Variants in TNS1 observed in about 807,000 individuals in gnomAD.
The protein encoded by TNS1 is tensin 1.
In TNS1, 62 loss-of-function variants were observed where a neutral mutation model predicts 168.6. The observed-to-expected ratio is 0.37, with a 90% CI of 0.30 to 0.45. The LOEUF (loss-of-function observed/expected upper bound fraction) is 0.45, where lower values mean the gene tolerates loss of function less well. Among genes scored for constraint, TNS1 ranks in the 20% least tolerant of loss-of-function variants. TNS1 has a pLI of 1.00. For synonymous variants in TNS1, 934 were observed against 933.2 expected, an observed-to-expected ratio of 1.00 and a Z score of -0.02; for missense variants, 2,240 against 2,339.4, an observed-to-expected ratio of 0.96 and a Z score of 0.88.
At chr2:217,937,175 T>C in intron 3 of TNS1, 1 of 381,598 alleles carries the variant, frequency 2.6e-6, no homozygotes, top group Non-Finnish European at 5.3e-6. Flanking sequence ...CAACACTCTG[T>C]CTACTCCCCT....
At chr2:217,954,385 G>T (rs748858895) in intron 3 of TNS1, among the ~76,000 whole-genome samples, 1 of 152,222 alleles carries the variant, frequency 6.6e-6, no homozygotes, top group Non-Finnish European at 1.5e-5. Flanking sequence ...CCCTAATCCT[G>T]ATGATGATGG....
chr2:218,026,861 G>A (rs2106013768), intron 1 of TNS1, among the ~76,000 whole-genome samples: 1 of 152,338 alleles, frequency 6.6e-6, no homozygotes, highest in African/African-American at 2.4e-5. Flanking sequence ...ATCCCCCATG[G>A]GAATGACGTC....
chr2:217,850,592 C>CAG (rs1161679476), intron 18 of TNS1: 1 of 731,246 alleles, frequency 1.4e-6, no homozygotes, highest in Non-Finnish European at 1.6e-6. Flanking sequence ...GACACACACA[C>CAG]ACACACACAC....
chr2:217,831,654 G>A (rs980599335), intron 21 of TNS1, 107 bp from the exon 22 acceptor site: 12 of 885,826 alleles, frequency 1.4e-5, no homozygotes, highest in East Asian at 6.6e-5. Context: ...GGCTGGAGAC[G>A]GTGCCGAGGA....
chr2:217,898,406 G>A (rs1049779971), intron 7 of TNS1, among the ~76,000 whole-genome samples: 4 of 152,204 alleles, frequency 2.6e-5, no homozygotes, highest in African/African-American at 4.8e-5. Flanking sequence ...GAGAGCCTGC[G>A]CTGGGCGCTC....
At chr2:217,822,167 C>T (rs1441349048) in intron 22 of TNS1, among the ~76,000 whole-genome samples, 2 of 152,158 alleles carry the variant, frequency 1.3e-5, no homozygotes, top group Non-Finnish European at 2.9e-5. Flanking sequence ...ATCCCAGGCC[C>T]CGCCTCAGAA....
chr2:217,834,991 G>C, intron 21 of TNS1, 100 bp downstream of exon 21: 1 of 1,062,986 alleles, frequency 9.4e-7, no homozygotes, highest in Non-Finnish European at 1.3e-6. Context: ...CTGGGGCACT[G>C]TCACCCCCAA....
chr2:217,953,809 C>T (rs951002402), intron 3 of TNS1, among the ~76,000 whole-genome samples: 13 of 152,332 alleles, frequency 8.5e-5, no homozygotes, highest in Admixed American at 2.6e-4. Context: ...CTAGGAATTC[C>T]ACTCCCGTCT....
intron 1 of TNS1, among the ~76,000 whole-genome samples, chr2:217,992,155 C>T (rs1410413237): frequency 6.6e-6 from 1 of 151,864 alleles, no homozygotes; most frequent in Admixed American, 6.6e-5. Context: ...GGACTCCCCA[C>T]AGAAAGCATC....
At chr2:217,836,291 G>A (rs758254512) in intron 19 of TNS1, 80 bp from the exon 20 acceptor site, 2 of 1,391,112 alleles carry the variant, frequency 1.4e-6, no homozygotes, top group Non-Finnish European at 1.9e-6. Context: ...CATCAGAGAA[G>A]GCAGTGCCTC....
At chr2:217,884,881 C>G (rs1283511880) in intron 16 of TNS1, among the ~76,000 whole-genome samples, 154 bp downstream of exon 16, 1 of 152,208 alleles carries the variant, frequency 6.6e-6, no homozygotes, top group Non-Finnish European at 1.5e-5. Context: ...AACTCTCTCC[C>G]AAGTCTCTCT....
At chr2:217,894,925 A>T in intron 9 of TNS1, 81 bp downstream of exon 9, 1 of 1,373,508 alleles carries the variant, frequency 7.3e-7, no homozygotes, top group Non-Finnish European at 1.0e-6. Flanking sequence ...ATTTTCCCCA[A>T]GATTATTATG....
chr2:217,891,286 C>T (rs975209385), intron 11 of TNS1, among the ~76,000 whole-genome samples: 1 of 152,182 alleles, frequency 6.6e-6, no homozygotes, highest in African/African-American at 2.4e-5. Context: ...GTTCAGCAGC[C>T]TGGGAGCCCA....
intron 16 of TNS1, among the ~76,000 whole-genome samples, chr2:217,884,249 G>A (rs1328581651): frequency 6.6e-6 from 1 of 151,724 alleles, no homozygotes; most frequent in Non-Finnish European, 1.5e-5. Flanking sequence ...ATTAATGGAT[G>A]GATGAATGGG....
rs1942952809 is a variant in TNS1, at chr2:217,822,059, C to T, written c.3374-121G>A. 2.7e-6 allele frequency: 3 copies of T among 1,097,480 alleles called. 1 individual carries two copies. In the South Asian group the frequency reaches 4.9e-5, roughly 18 times the overall value. 68.0% of individuals were successfully genotyped at this position (1,097,480 alleles called of 1,614,324 possible). ...TCCTGCCTGGGAACATAGGAATAGCCCCCAAAGGACAGGCAGGGCTCCTGC... is the reference window on the plus strand; with the variant it reads ...TCCTGCCTGGGAACATAGGAATAGCTCCCAAAGGACAGGCAGGGCTCCTGC... On this transcript the variant is annotated intron_variant, in intron 22 of 32. Coordinates refer to ENST00000682258, the MANE Select transcript of TNS1 (RefSeq NM_001387777.1).
chr2:217,924,868 G>A (rs1408263795), intron 3 of TNS1, among the ~76,000 whole-genome samples: 1 of 152,182 alleles, frequency 6.6e-6, no homozygotes, highest in Non-Finnish European at 1.5e-5. Context: ...TGGCGCAGTG[G>A]TTATGCAGTG....
chr2:217,834,248 A>T (rs1283592807), intron 21 of TNS1, among the ~76,000 whole-genome samples: 1 of 152,192 alleles, frequency 6.6e-6, no homozygotes, highest in Non-Finnish European at 1.5e-5. Context: ...CCCCTAGGGG[A>T]ATGCACAGCC....
intron 15 of TNS1, 129 bp from the exon 16 acceptor site, chr2:217,885,293 T>C: frequency 7.7e-7 from 1 of 1,301,376 alleles, no homozygotes; most frequent in Non-Finnish European, 1.0e-6. Context: ...GGAGAGCTCA[T>C]CAACACCAAA....
intron 1 of TNS1, among the ~76,000 whole-genome samples, chr2:218,022,474 G>A (rs142712743): frequency 6.6e-6 from 1 of 152,214 alleles, no homozygotes; most frequent in Non-Finnish European, 1.5e-5. Flanking sequence ...GCTGGGACGT[G>A]GACACGCACA....
Sources: allele counts gnomAD v4.1 joint callset (sites outside exome capture counted in the v4.1 genomes callset), GRCh38; gene constraint gnomAD v4.1.1; transcripts MANE v1.5; gene names NCBI Gene and HGNC (gene_info 2026-07-23, HGNC 2026-07-21).